Variants in NLGN1 observed in about 807,000 individuals in gnomAD.
NLGN1 encodes the protein neuroligin 1.
In NLGN1, 12 loss-of-function variants were observed where a neutral mutation model predicts 65.5. The ratio of observed to expected loss-of-function variants is 0.18; its 90% CI spans 0.12 to 0.30. The LOEUF (loss-of-function observed/expected upper bound fraction) is 0.30, where lower values mean the gene tolerates loss of function less well. Among genes scored for constraint, NLGN1 ranks in the 10% least tolerant of loss-of-function variants. NLGN1 has a pLI of 1.00. For missense variants in NLGN1, 750 were observed against 1,007.1 expected, an observed-to-expected ratio of 0.74 and a Z score of 3.46; for synonymous variants, 350 against 359.5, an observed-to-expected ratio of 0.97 and a Z score of 0.30.
chr3:173,538,909 A>G (rs930252526), intron 2 of NLGN1, among the ~76,000 whole-genome samples: 1 of 148,346 alleles, frequency 6.7e-6, no homozygotes, highest in Non-Finnish European at 1.5e-5. Flanking sequence ...AATCCTATCC[A>G]CACACATCTT....
At chr3:174,194,862 C>CTTTTTTTTTTT (rs371935591) in intron 4 of NLGN1, among the ~76,000 whole-genome samples, 1 of 127,650 alleles carries the variant, frequency 7.8e-6, no homozygotes, top group Non-Finnish European at 1.6e-5. Flanking sequence ...TTTCTTTTTT[C>CTTTTTTTTTTT]TTTTTTCTTT....
intron 2 of NLGN1, among the ~76,000 whole-genome samples, chr3:173,442,741 C>G (rs626337): frequency 3.3e-5 from 5 of 151,864 alleles, no homozygotes; most frequent in Non-Finnish European, 7.4e-5. Flanking sequence ...ATAATAAATA[C>G]CATGGCAGAC....
At chr3:173,637,091 C>A (rs541431468) in intron 3 of NLGN1, among the ~76,000 whole-genome samples, 1 of 152,110 alleles carries the variant, frequency 6.6e-6, no homozygotes, top group Non-Finnish European at 1.5e-5. Context: ...AGTTACTTTG[C>A]CTGAACAGCA....
At chr3:174,188,603 G>A (rs1731835653) in intron 4 of NLGN1, among the ~76,000 whole-genome samples, 1 of 151,976 alleles carries the variant, frequency 6.6e-6, no homozygotes, top group South Asian at 2.1e-4. Flanking sequence ...ACCCAAGTTT[G>A]TCTTCTCCCA....
intron 3 of NLGN1, among the ~76,000 whole-genome samples, chr3:173,679,801 TAACCATG>T (rs1763704117): frequency 1.3e-5 from 2 of 152,082 alleles, no homozygotes; most frequent in African/African-American, 4.8e-5. Context: ...TGGTAATTGT[TAACCATG>T]ATAAACCTAC....
chr3:173,568,801 G>A (rs1243842062), intron 2 of NLGN1, among the ~76,000 whole-genome samples: 2 of 152,152 alleles, frequency 1.3e-5, no homozygotes, highest in African/African-American at 2.4e-5. Context: ...AGCCTCTGGA[G>A]TAGCTCGGAC....
At chr3:173,700,107 A>G (rs1441779377) in intron 3 of NLGN1, among the ~76,000 whole-genome samples, 1 of 152,256 alleles carries the variant, frequency 6.6e-6, no homozygotes, top group East Asian at 1.9e-4. Flanking sequence ...GTAAATCAGC[A>G]GAATGAAAAC....
intron 1 of NLGN1, among the ~76,000 whole-genome samples, chr3:173,423,424 G>A (rs897159527): frequency 1.3e-5 from 2 of 152,064 alleles, no homozygotes; most frequent in Non-Finnish European, 2.9e-5. Context: ...CTGAGACAAG[G>A]CAAGTCCCTC....
At chr3:173,655,069 A>T (rs1226523163) in intron 3 of NLGN1, among the ~76,000 whole-genome samples, 1 of 152,206 alleles carries the variant, frequency 6.6e-6, no homozygotes, top group Admixed American at 6.6e-5. Flanking sequence ...ATACTCATAA[A>T]GCACAAAGGA....
intron 2 of NLGN1, among the ~76,000 whole-genome samples, chr3:173,532,422 G>A (rs1298490340): frequency 6.6e-6 from 1 of 152,044 alleles, no homozygotes; most frequent in Non-Finnish European, 1.5e-5. Context: ...TCTTTATTTT[G>A]CATTTTCGTA....
chr3:173,522,912 C>T (rs963461950), intron 2 of NLGN1, among the ~76,000 whole-genome samples: 14 of 152,070 alleles, frequency 9.2e-5, no homozygotes, highest in African/African-American at 3.4e-4. Context: ...TCTGTTTTCT[C>T]CTCATCCATG....
At chr3:173,430,834 A>G (rs1202801310) in intron 1 of NLGN1, among the ~76,000 whole-genome samples, 1 of 152,146 alleles carries the variant, frequency 6.6e-6, no homozygotes, top group Non-Finnish European at 1.5e-5. Context: ...GCTTTCTATC[A>G]TGAGCAGAAA....
intron 3 of NLGN1, among the ~76,000 whole-genome samples, chr3:173,685,184 A>T (rs1271645353): frequency 6.6e-6 from 1 of 152,174 alleles, no homozygotes; most frequent in African/African-American, 2.4e-5. Flanking sequence ...GCTCCAGTTG[A>T]AAATCAATTT....
intron 4 of NLGN1, among the ~76,000 whole-genome samples, chr3:173,836,213 T>TAGTATATC (rs919370559): frequency 1.7e-4 from 26 of 152,290 alleles, no homozygotes; most frequent in Middle Eastern, 3.4e-3. Flanking sequence ...TTATGATGCC[T>TAGTATATC]AGTATATCAA....
At chr3:174,072,958 T>G (rs577238181) in intron 4 of NLGN1, among the ~76,000 whole-genome samples, 1 of 152,316 alleles carries the variant, frequency 6.6e-6, no homozygotes, top group East Asian at 1.9e-4. Flanking sequence ...GTATCATATT[T>G]TCTGATTAAT....
intron 1 of NLGN1, among the ~76,000 whole-genome samples, chr3:173,415,771 A>G (rs1334624396): frequency 1.3e-5 from 2 of 152,076 alleles, no homozygotes; most frequent in Admixed American, 1.3e-4. Flanking sequence ...GATTCAGGGT[A>G]TAGGCCTTAA....
chr3:173,488,071 T>G (rs745372304), intron 2 of NLGN1, among the ~76,000 whole-genome samples: 1 of 152,050 alleles, frequency 6.6e-6, no homozygotes, highest in Non-Finnish European at 1.5e-5. Context: ...TTCTTCATTC[T>G]ACTTTTTATG....
At chr3:174,159,664 G>T (rs755574892) in intron 4 of NLGN1, among the ~76,000 whole-genome samples, 21 of 151,704 alleles carry the variant, frequency 1.4e-4, no homozygotes, top group Non-Finnish European at 2.7e-4. Flanking sequence ...CAAGGGACAA[G>T]TTCCCTAGGC....
At chr3:174,003,820 G>A (rs1023841751) in intron 4 of NLGN1, among the ~76,000 whole-genome samples, 2 of 151,890 alleles carry the variant, frequency 1.3e-5, no homozygotes, top group Non-Finnish European at 2.9e-5. Flanking sequence ...TGAATGTATC[G>A]AAATAATAAT....
Sources: allele counts gnomAD v4.1 joint callset (sites outside exome capture counted in the v4.1 genomes callset), GRCh38; gene constraint gnomAD v4.1.1; transcripts MANE v1.5; gene names NCBI Gene and HGNC (gene_info 2026-07-23, HGNC 2026-07-21).